The following NSD2 variants were observed in gnomAD, a reference collection of about 807,000 sequenced individuals.
The protein encoded by NSD2 is histone-lysine N-methyltransferase NSD2.
NSD2 carries 12 observed loss-of-function variants against 139.0 expected under a neutral mutation model. The ratio of observed to expected loss-of-function variants is 0.09; its 90% confidence interval spans 0.06 to 0.14. NSD2 has a LOEUF of 0.14. Ranked by LOEUF, NSD2 falls within the 10% of genes least tolerant of loss-of-function variation. The pLI is 1.00. For synonymous variants in NSD2, 669 were observed against 648.7 expected (o/e 1.03, Z -0.48); for missense variants, 1,155 against 1,745.0 (o/e 0.66, Z 6.02).
chr4:1,941,486 T>C (rs1221579812), intron 9 of NSD2: 3 of 1,047,168 alleles, frequency 2.9e-6, no homozygotes, highest in Non-Finnish European at 3.5e-6. Flanking sequence ...TCAGTCTCCC[T>C]GGCCTAGGCA....
rs748895885 is a variant in NSD2 at position 1,921,781 on chromosome 4, CAAAAAAA to C, written c.1410+3171_1410+3177del. 2.2e-3 allele frequency among the ~76,000 whole-genome samples: 142 copies of C among 64,986 alleles called. 1 individual carries two copies. Among genetic ancestry groups the C allele is most frequent in the Non-Finnish European group, 1.9e-3 (58 of 30,782 alleles). The allele number at this position is 64,986 out of a possible 152,430, so 42.6% of individuals were successfully genotyped here. The stretch of plus-strand genomic sequence containing the variant: ...TGGGCAACACAGCAAGACTCTGTCT[CAAAAAAA>C]AAAAAAAAAAAAGAATAAGACAGGA... On this transcript the variant is annotated intron_variant, in intron 5 of 21. Transcript: ENST00000508803.
rs745978472 is a variant in NSD2, at chr4:1,976,903, A to G, written c.3826+224A>G. 4.6e-5 allele frequency among the ~76,000 whole-genome samples: 7 copies of G among 152,246 alleles called. No individual in the cohort carries two copies. The highest frequency in any genetic ancestry group is 8.8e-5 in the Non-Finnish European group (6 of 68,042). ...CAGAGAAGATATGTGGTGACGGGGT[A>G]GCCCCTGGAACCTCCAGGAGGGATT... On this transcript the variant is annotated intron_variant, in intron 21 of 21. Transcript: ENST00000508803. This position sits in a 1 kb window ranked among gnomAD's most constrained non-coding sequence, Gnocchi z 5.3.
rs1726853440 is a variant in NSD2, at chr4:1,974,513, C to T, written c.3373-350C>T. On this transcript the variant is annotated intron_variant, in intron 18 of 21. Transcript: ENST00000508803. The surrounding 1 kb of genome is among the most constrained non-coding windows in gnomAD (Gnocchi z 4.0). ...ACAGGCGTGAGCCACTGCGCCCAGC[C>T]AGGGTGAGTCTTGTTCTTGTCCTTG... The T allele has an allele frequency of 2.5e-6, 1 of 400,046 alleles. No homozygotes were observed. The highest frequency in any genetic ancestry group is 4.9e-6 in the Non-Finnish European group (1 of 204,298). The allele number at this position is 400,046 out of a possible 1,614,324, so 24.8% of individuals were successfully genotyped here. A position where few individuals can be genotyped will look rare whatever the true frequency, so the allele number is the denominator to read the frequency against.
At chr4:1,903,908 G>T (rs1433113351) in intron 2 of NSD2, among the ~76,000 whole-genome samples, 1 of 151,974 alleles carries the variant, frequency 6.6e-6, no homozygotes, top group Admixed American at 6.5e-5. Flanking sequence ...CTAATTTTTT[G>T]TATTTTTAGT....
At position 1,978,624 on chromosome 4, in the gene NSD2, G is replaced by A. The variant is rs375640116; in HGVS notation, c.3827-14G>A. ...CATCACTTCTGTGTGCTCACATCTT[G>A]TGTTCTGTTGCAGGGAAGTGGGAAT... On this transcript the variant is annotated splice_polypyrimidine_tract_variant and intron_variant, in intron 21 of 21. Coordinates refer to ENST00000508803, the MANE Select transcript of NSD2 (RefSeq NM_001042424.3). 6.3e-6 allele frequency: 10 copies of A among 1,594,720 alleles called. No homozygotes were observed. In the Admixed American group the frequency reaches 1.7e-4, roughly 27 times the overall value.
intron 5 of NSD2, among the ~76,000 whole-genome samples, chr4:1,926,950 C>G (rs1720985970): frequency 6.6e-6 from 1 of 152,214 alleles, no homozygotes; most frequent in African/African-American, 2.4e-5. Flanking sequence ...CATTTACTGT[C>G]TCACAGTTTC....
chr4:1,947,472 TTAGGGA>T, intron 9 of NSD2: 1 of 1,058,396 alleles, frequency 9.4e-7, no homozygotes, highest in Admixed American at 5.4e-5. Context: ...ACCCTAGAAT[TTAGGGA>T]TAGCCAGGAA....
chr4:1,878,721 T>G (rs528586182), intron 1 of NSD2, among the ~76,000 whole-genome samples: 2 of 152,058 alleles, frequency 1.3e-5, no homozygotes, highest in Non-Finnish European at 2.9e-5. Context: ...CATTTTGCCT[T>G]GATGTGGAGT....
intron 1 of NSD2, among the ~76,000 whole-genome samples, chr4:1,892,423 C>G (rs921684455): frequency 2.0e-5 from 3 of 152,124 alleles, no homozygotes; most frequent in Non-Finnish European, 2.9e-5. Flanking sequence ...CTCCCTAGCC[C>G]CTTAACGTGT....
chr4:1,952,986 G>A, intron 11 of NSD2: 1 of 1,436,392 alleles, frequency 7.0e-7, no homozygotes. Flanking sequence ...TCCACCACTG[G>A]CCAGCTGCTC....
chr4:1,904,019 C>T (rs542599839), intron 2 of NSD2, among the ~76,000 whole-genome samples, 197 bp from the exon 3 acceptor site: 1 of 152,288 alleles, frequency 6.6e-6, no homozygotes, highest in South Asian at 2.1e-4. Context: ...CAGGCGTGAG[C>T]CACCGCACCT....
intron 11 of NSD2, 126 bp from the exon 12 acceptor site, chr4:1,953,198 G>C: frequency 6.4e-7 from 1 of 1,570,416 alleles, no homozygotes; most frequent in Non-Finnish European, 8.6e-7. Flanking sequence ...GTTGGAAACA[G>C]GGCCAGGTGC....
rs766717444 is a variant in NSD2, at chr4:1,951,181, C to T, written c.1991C>T (p.Ala664Val). 1.2e-6 allele frequency: 2 copies of T among 1,614,156 alleles called. No homozygotes were observed. The highest frequency in any genetic ancestry group is 1.7e-6 in the Non-Finnish European group (2 of 1,180,012). The change falls in exon 10 of 22, where the codon GCC becomes GTC. Residue 664 changes from alanine (A) to valine (V), a missense_variant. Ala to Val is a moderately conservative substitution (Grantham distance 64). Transcript: ENST00000508803. The stretch of plus-strand genomic sequence containing the variant: ...AAAAAGTCTGAGCGAGGAGTGACTG[C>T]CAAAAAGGAGTATGTGTGCCAGGTG... ...SSKKSERGVT[A>V]KKEYVCQLCE...
At chr4:1,887,335 T>TA (rs1715188914) in intron 1 of NSD2, among the ~76,000 whole-genome samples, 1 of 152,148 alleles carries the variant, frequency 6.6e-6, no homozygotes, top group Admixed American at 6.6e-5. Context: ...TCTTTTTTTT[T>TA]AAATCTCCCT....
intron 9 of NSD2, chr4:1,941,309 T>G (rs1405911686): frequency 2.5e-5 from 26 of 1,055,208 alleles, no homozygotes; most frequent in African/African-American, 5.0e-5. Flanking sequence ...GTTATTCACT[T>G]GAGTTGTTGC....
At chr4:1,954,919 C>G (rs1577535471) in intron 12 of NSD2, among the ~76,000 whole-genome samples, 2 of 152,178 alleles carry the variant, frequency 1.3e-5, no homozygotes, top group South Asian at 2.1e-4. Context: ...GTCGGCTGCC[C>G]ACGTGCCCCA....
chr4:1,971,605 C>T (rs548875746), intron 18 of NSD2, among the ~76,000 whole-genome samples: 1 of 152,284 alleles, frequency 6.6e-6, no homozygotes, highest in Admixed American at 6.5e-5. Flanking sequence ...TTCAGAGGCA[C>T]ATGTACTGAG....
In NSD2 at chr4:1,942,607, C is replaced by T. The variant is rs1723212326; in HGVS notation, c.1881+2829C>T. 7.7e-7 allele frequency: 1 copy of T among 1,290,686 alleles called. No homozygotes were observed. Among genetic ancestry groups the T allele is most frequent in the African/African-American group, 1.5e-5 (1 of 66,400 alleles). 80.0% of individuals were successfully genotyped at this position (1,290,686 alleles called of 1,614,324 possible). A position where few individuals can be genotyped will look rare whatever the true frequency, so the allele number is the denominator to read the frequency against. On this transcript the variant is annotated intron_variant, in intron 9 of 21. Transcript: ENST00000508803. This position sits in a 1 kb window ranked among gnomAD's most constrained non-coding sequence, Gnocchi z 4.0. ...AGGCCATTTAATCCGTCACATTCAT[C>T]TCATAATAGAAACACGTTCATATTC...
Position 1,948,045 on chromosome 4 carries a change from C to T in NSD2, c.1882-3027C>T, listed in dbSNP as rs1433115621. ...ATCTTGAAAAGTCCCTGTAATAGAT[C>T]AAGGAGACTGCATTCCCTGCCCTGA... On this transcript the variant is annotated intron_variant, in intron 9 of 21. Coordinates refer to ENST00000508803, the MANE Select transcript of NSD2 (RefSeq NM_001042424.3). The surrounding 1 kb of genome is among the most constrained non-coding windows in gnomAD (Gnocchi z 4.5). The T allele has an allele frequency of 4.7e-6, 5 of 1,056,850 alleles. No homozygotes were observed. The highest frequency in any genetic ancestry group is 5.3e-5 in the East Asian group (1 of 19,044). The allele number at this position is 1,056,850 out of a possible 1,614,324, so 65.5% of individuals were successfully genotyped here.
Sources: allele counts gnomAD v4.1 joint callset (sites outside exome capture counted in the v4.1 genomes callset), GRCh38; gene constraint gnomAD v4.1.1; non-coding constraint Gnocchi (gnomAD v3.1); transcripts MANE v1.5; gene names NCBI Gene and HGNC (gene_info 2026-07-23, HGNC 2026-07-21).